SNTG1: variants seen among roughly 807,000 people sequenced by gnomAD.
SNTG1 encodes gamma-1-syntrophin.
Under a neutral mutation model 74.7 loss-of-function variants are expected in SNTG1, and 39 were observed. That is an observed-to-expected ratio of 0.52 (90% CI 0.40 to 0.68). SNTG1 has a LOEUF of 0.68. SNTG1 is among the 30% of genes least tolerant of loss of function. SNTG1 has a pLI of 0.00. For missense variants in SNTG1, 685 were observed against 609.5 expected (o/e 1.12, Z -1.30); for synonymous variants, 254 against 217.1 (o/e 1.17, Z -1.49).
intron 2 of SNTG1, among the ~76,000 whole-genome samples, chr8:50,248,503 A>G (rs2086499801): frequency 6.6e-6 from 1 of 152,050 alleles, no homozygotes; most frequent in Admixed American, 6.6e-5. Context: ...TCTGCATACC[A>G]CTTTCCTCAG....
intron 17 of SNTG1, among the ~76,000 whole-genome samples, chr8:50,719,583 T>C (rs1021426339): frequency 6.6e-6 from 1 of 152,078 alleles, no homozygotes. Context: ...CAAAACAAAG[T>C]TTTTTGCTAT....
chr8:50,107,136 T>G (rs2080403088), intron 1 of SNTG1, among the ~76,000 whole-genome samples: 1 of 152,204 alleles, frequency 6.6e-6, no homozygotes, highest in South Asian at 2.1e-4. Flanking sequence ...ATGCAGTTAA[T>G]GTCCACTAAA....
At chr8:50,551,462 C>G (rs1383064232) in intron 11 of SNTG1, among the ~76,000 whole-genome samples, 1 of 152,036 alleles carries the variant, frequency 6.6e-6, no homozygotes, top group Non-Finnish European at 1.5e-5. Flanking sequence ...GCAGAGAAGA[C>G]AAATATGATC....
At chr8:50,374,222 G>T (rs2092328838) in intron 2 of SNTG1, among the ~76,000 whole-genome samples, 1 of 152,176 alleles carries the variant, frequency 6.6e-6, no homozygotes, top group South Asian at 2.1e-4. Flanking sequence ...TCTTCCTGGT[G>T]AATTGACCCT....
intron 1 of SNTG1, among the ~76,000 whole-genome samples, chr8:50,031,690 A>G (rs911093046): frequency 2.6e-5 from 4 of 152,144 alleles, no homozygotes; most frequent in African/African-American, 9.6e-5. Flanking sequence ...CCTTGGATGT[A>G]GTGTATAATT....
intron 2 of SNTG1, among the ~76,000 whole-genome samples, chr8:50,313,177 GTCTGAAATGTAAGA>G: frequency 6.7e-6 from 1 of 149,910 alleles, no homozygotes; most frequent in Middle Eastern, 3.4e-3. Flanking sequence ...ATGGAGTATA[GTCTGAAATGTAAGA>G]TCTGAAACTA....
intron 1 of SNTG1, among the ~76,000 whole-genome samples, chr8:50,119,457 C>T (rs1374765239): frequency 2.8e-5 from 4 of 140,864 alleles, no homozygotes; most frequent in Non-Finnish European, 6.3e-5. Flanking sequence ...ACACACTTGA[C>T]CCAAGAAAAG....
At chr8:50,033,423 CAATTTATTATTCTTAATAATAATAATT>C (rs1817901753) in intron 1 of SNTG1, among the ~76,000 whole-genome samples, 1 of 152,090 alleles carries the variant, frequency 6.6e-6, no homozygotes, top group Non-Finnish European at 1.5e-5. Flanking sequence ...TGCGCCCAGC[CAATTTATTATTCTTAATAATAATAATT>C]GATATATACC....
At chr8:50,106,104 G>A (rs562907256) in intron 1 of SNTG1, among the ~76,000 whole-genome samples, 5 of 152,052 alleles carry the variant, frequency 3.3e-5, no homozygotes, top group African/African-American at 9.7e-5. Context: ...AACTACCTGG[G>A]ACTGGTTAAT....
chr8:50,692,389 CT>C, intron 15 of SNTG1, among the ~76,000 whole-genome samples: 1 of 152,038 alleles, frequency 6.6e-6, no homozygotes, highest in South Asian at 2.1e-4. Context: ...TTTTATCTAC[CT>C]TTGGTCTTTG....
chr8:50,102,130 C>CTA, intron 1 of SNTG1, among the ~76,000 whole-genome samples: 1 of 149,940 alleles, frequency 6.7e-6, no homozygotes, highest in South Asian at 2.1e-4. Context: ...TGAGGAATCG[C>CTA]CACACTGACT....
chr8:50,015,865 G>T (rs151120265), intron 1 of SNTG1, among the ~76,000 whole-genome samples: 1 of 152,070 alleles, frequency 6.6e-6, no homozygotes, highest in Admixed American at 6.6e-5. Context: ...AGTTGTAGTC[G>T]GTTGGCAAGA....
At chr8:50,424,826 G>A (rs1377383132) in intron 4 of SNTG1, among the ~76,000 whole-genome samples, 1 of 152,136 alleles carries the variant, frequency 6.6e-6, no homozygotes, top group African/African-American at 2.4e-5. Context: ...CCATTTAGGA[G>A]CTTCAGGAAA....
Position 50,062,715 on chromosome 8 carries a change from G to A in SNTG1, c.-102-109846G>A, listed in dbSNP as rs184722319. Reference sequence around the variant, plus strand: ...AATTTACTTTTTCTTGGTCAGCATTGAATTTTGAGAACTTTGAAAGATAAT... The same window carrying A: ...AATTTACTTTTTCTTGGTCAGCATTAAATTTTGAGAACTTTGAAAGATAAT... On this transcript the variant is annotated intron_variant, in intron 1 of 18. Transcript: ENST00000642720. Among the ~76,000 whole-genome samples the A allele has an allele frequency of 1.4e-3, 216 of 152,190 alleles. 1 individual carries two copies. The highest frequency in any genetic ancestry group is 5.0e-3 in the African/African-American group (208 of 41,544).
chr8:49,966,854 T>A (rs576927051), intron 1 of SNTG1, among the ~76,000 whole-genome samples: 1 of 152,244 alleles, frequency 6.6e-6, no homozygotes, highest in African/African-American at 2.4e-5. Flanking sequence ...ATGTGCTACT[T>A]TGTGTATATC....
chr8:50,785,790 G>T (rs1411547268), intron 18 of SNTG1, among the ~76,000 whole-genome samples: 1 of 151,806 alleles, frequency 6.6e-6, no homozygotes, highest in Admixed American at 6.6e-5. Context: ...ACCAAATCCA[G>T]CAACATGCAA....
chr8:50,183,516 C>G (rs1043463630), intron 2 of SNTG1, among the ~76,000 whole-genome samples: 1 of 152,154 alleles, frequency 6.6e-6, no homozygotes, highest in Non-Finnish European at 1.5e-5. Flanking sequence ...CTTCAAGTGC[C>G]CATAGCACGT....
At chr8:50,755,006 C>T (rs1359312371) in intron 18 of SNTG1, among the ~76,000 whole-genome samples, 1 of 151,582 alleles carries the variant, frequency 6.6e-6, no homozygotes, top group Non-Finnish European at 1.5e-5. Context: ...ACAAAAATTT[C>T]CTGTATACCA....
chr8:50,532,417 T>C (rs1182839482), intron 10 of SNTG1, among the ~76,000 whole-genome samples: 1 of 152,170 alleles, frequency 6.6e-6, no homozygotes, highest in Non-Finnish European at 1.5e-5. Flanking sequence ...GACAAAAGCA[T>C]ACAATTAACT....
Sources: allele counts gnomAD v4.1 joint callset (sites outside exome capture counted in the v4.1 genomes callset), GRCh38; gene constraint gnomAD v4.1.1; transcripts MANE v1.5; gene names NCBI Gene and HGNC (gene_info 2026-07-23, HGNC 2026-07-21).